The following CD2AP variants were observed in gnomAD, a reference collection of about 807,000 sequenced individuals.
CD2AP encodes CD2-associated protein.
CD2AP carries 46 observed loss-of-function variants against 85.1 expected under a neutral mutation model. The ratio of observed to expected loss-of-function variants is 0.54; its 90% CI spans 0.43 to 0.69. The LOEUF (loss-of-function observed/expected upper bound fraction) is 0.69. Among genes scored for constraint, CD2AP ranks in the 30% least tolerant of loss-of-function variants. The probability of loss-of-function intolerance (pLI) is 0.00; values close to 1 mark genes in which losing one functional copy is unlikely to be tolerated. For missense variants in CD2AP, 769 were observed against 729.5 expected, an observed-to-expected ratio of 1.05 and a Z score of -0.62; for synonymous variants, 255 against 252.9, an observed-to-expected ratio of 1.01 and a Z score of -0.08.
At chr6:47,562,787 G>T in intron 5 of CD2AP, 1 of 1,134,378 alleles carries the variant, frequency 8.8e-7, no homozygotes, top group Non-Finnish European at 1.3e-6. Context: ...GCATCCAACT[G>T]TGATGAGCCT....
intron 2 of CD2AP, among the ~76,000 whole-genome samples, chr6:47,505,905 C>G (rs1200906896): frequency 3.5e-5 from 4 of 115,504 alleles, no homozygotes; most frequent in African/African-American, 1.4e-4. Flanking sequence ...GGGGCTGACC[C>G]CCCCCACCTC....
rs528962173 is a variant in CD2AP at position 47,578,276 on chromosome 6, A to G, written c.904-1109A>G. Among the ~76,000 whole-genome samples, 72 of 151,358 alleles carry G rather than the reference A, an allele frequency of 4.8e-4. 1 individual carries two copies. In the East Asian group the frequency reaches 0.01, roughly 21 times the overall value. ...CGTGCAGTGGTGTGATCATAGCTCA[A>G]TGCAGCCTTGAGCTCATGGGCACAA... On this transcript the variant is annotated intron_variant, in intron 8 of 17. Coordinates refer to ENST00000359314, the MANE Select transcript of CD2AP (RefSeq NM_012120.3).
chr6:47,537,780 AT>A (rs1241887676), intron 3 of CD2AP, among the ~76,000 whole-genome samples: 1 of 151,426 alleles, frequency 6.6e-6, no homozygotes, highest in African/African-American at 2.4e-5. Flanking sequence ...CGATTTTTTT[AT>A]TGCTAAGGAT....
intron 13 of CD2AP, 109 bp downstream of exon 13, chr6:47,599,552 G>GT (rs1251935610): frequency 1.0e-6 from 1 of 961,040 alleles, no homozygotes; most frequent in East Asian, 2.6e-5. Context: ...GGATAAAGTT[G>GT]AAATTACACA....
At chr6:47,600,968 A>C (rs770823744) in intron 13 of CD2AP, among the ~76,000 whole-genome samples, 1 of 151,918 alleles carries the variant, frequency 6.6e-6, no homozygotes, top group Non-Finnish European at 1.5e-5. Context: ...GAATTGAAGG[A>C]GTAAAATCTG....
chr6:47,495,259 G>A (rs992115908), intron 1 of CD2AP, among the ~76,000 whole-genome samples: 1 of 152,188 alleles, frequency 6.6e-6, no homozygotes, highest in African/African-American at 2.4e-5. Context: ...TTGGAAAAGA[G>A]TAAGGAGAGG....
At chr6:47,518,214 T>C (rs971880538) in intron 2 of CD2AP, among the ~76,000 whole-genome samples, 10 of 152,190 alleles carry the variant, frequency 6.6e-5, no homozygotes, top group African/African-American at 2.4e-4. Flanking sequence ...ATCAGAATAC[T>C]GAGTTATGAT....
intron 2 of CD2AP, among the ~76,000 whole-genome samples, chr6:47,511,704 C>T (rs1439669300): frequency 1.3e-5 from 2 of 152,084 alleles, no homozygotes; most frequent in Admixed American, 6.5e-5. Flanking sequence ...GGATAATACA[C>T]AAATTAATAA....
chr6:47,599,493 AG>A, intron 13 of CD2AP, 50 bp downstream of exon 13: 1 of 1,527,586 alleles, frequency 6.5e-7, no homozygotes, highest in South Asian at 1.2e-5. Flanking sequence ...AAATTGTCAA[AG>A]AAACTCTTTA....
chr6:47,614,824 T>C (rs556262511), intron 17 of CD2AP, among the ~76,000 whole-genome samples: 1 of 152,308 alleles, frequency 6.6e-6, no homozygotes, highest in East Asian at 1.9e-4. Context: ...ATTCTTTCTT[T>C]GCTCAGGGAC....
At chr6:47,517,859 TTA>T (rs1766492388) in intron 2 of CD2AP, among the ~76,000 whole-genome samples, 2 of 152,220 alleles carry the variant, frequency 1.3e-5, no homozygotes, top group African/African-American at 4.8e-5. Context: ...AGTATTTATC[TTA>T]TAGTGTTATG....
chr6:47,553,618 G>C (rs1377339294), intron 4 of CD2AP, among the ~76,000 whole-genome samples: 4 of 149,034 alleles, frequency 2.7e-5, no homozygotes, highest in Non-Finnish European at 4.4e-5. Flanking sequence ...TGCCTGCCTT[G>C]GCCTTCCAAA....
rs941219947 is a variant in CD2AP at position 47,566,603 on chromosome 6, A to G, written c.542-7461A>G. On this transcript the variant is annotated intron_variant, in intron 5 of 17. Transcript: ENST00000359314. ...CTGCACCTATCGACCCATCCTCTCA[A>G]TTCTCCCTTCCCCCGCTCCTCACCC... Among the ~76,000 whole-genome samples, 8 of 151,472 alleles carry G rather than the reference A, an allele frequency of 5.3e-5. No homozygotes were observed. The South Asian group carries it at 8.4e-4, about 16-fold the overall frequency.
chr6:47,567,139 G>C (rs1768025610), intron 5 of CD2AP, among the ~76,000 whole-genome samples: 1 of 151,142 alleles, frequency 6.6e-6, no homozygotes, highest in African/African-American at 2.4e-5. Flanking sequence ...TGGAAATTTG[G>C]TGGTTTTTCA....
chr6:47,507,191 T>G (rs1766195390), intron 2 of CD2AP, among the ~76,000 whole-genome samples: 1 of 152,216 alleles, frequency 6.6e-6, no homozygotes, highest in Non-Finnish European at 1.5e-5. Context: ...CAGTCACATC[T>G]TTATGCTTCA....
intron 6 of CD2AP, among the ~76,000 whole-genome samples, chr6:47,575,840 G>GT (rs796524727): frequency 1.2e-4 from 18 of 151,462 alleles, no homozygotes; most frequent in Middle Eastern, 3.4e-3. Context: ...AGTATAAAGA[G>GT]TTTTTTTTTC....
Position 47,624,376 on chromosome 6 carries a change from G to C in CD2AP, c.*149G>C. 1.5e-6 allele frequency: 1 copy of C among 647,620 alleles called. No homozygotes were observed. The highest frequency in any genetic ancestry group is 2.8e-5 in the East Asian group (1 of 35,800). 40.1% of individuals were successfully genotyped at this position (647,620 alleles called of 1,614,324 possible). On this transcript the variant is annotated 3_prime_UTR_variant, in exon 18 of 18. Coordinates refer to ENST00000359314, the MANE Select transcript of CD2AP (RefSeq NM_012120.3). ...AATATCTATAGAAAAGTAGAGTGAG[G>C]GTGAATTTATATATATATTTTGTTT...
At chr6:47,601,248 G>A (rs955690137) in intron 13 of CD2AP, among the ~76,000 whole-genome samples, 3 of 151,922 alleles carry the variant, frequency 2.0e-5, no homozygotes, top group Admixed American at 2.0e-4. Flanking sequence ...TCCCTATATA[G>A]TAAACAGAGA....
At chr6:47,503,542 T>C in intron 2 of CD2AP, 102 bp downstream of exon 2, 1 of 1,068,488 alleles carries the variant, frequency 9.4e-7, no homozygotes. Flanking sequence ...TTTAGATAAA[T>C]GTTTTCTTTG....
Sources: gnomAD v4.1 joint callset for allele counts (sites outside exome capture counted in the v4.1 genomes callset) on GRCh38, gnomAD v4.1.1 for gene constraint, MANE v1.5 for transcripts, NCBI Gene and HGNC (gene_info 2026-07-23, HGNC 2026-07-21) for gene names.